SH3RF3: variants seen among roughly 807,000 people sequenced by gnomAD.
The protein encoded by SH3RF3 is E3 ubiquitin-protein ligase SH3RF3.
SH3RF3 carries 29 observed loss-of-function variants against 66.3 expected under a neutral mutation model. That is an observed-to-expected ratio of 0.44 (90% CI 0.33 to 0.60). The LOEUF is 0.60. Among genes scored for constraint, SH3RF3 ranks in the 20% least tolerant of loss-of-function variants. SH3RF3 has a pLI of 0.04. For synonymous variants in SH3RF3, 583 were observed against 532.0 expected, an observed-to-expected ratio of 1.10 and a Z score of -1.32; for missense variants, 1,194 against 1,190.9, an observed-to-expected ratio of 1.00 and a Z score of -0.04.
intron 1 of SH3RF3, among the ~76,000 whole-genome samples, chr2:109,183,070 C>T (rs1259188074): frequency 6.6e-6 from 1 of 152,152 alleles, no homozygotes; most frequent in East Asian, 1.9e-4. Flanking sequence ...GCCACAATGA[C>T]TAATTTATTC....
chr2:109,333,328 A>G (rs1377314476), intron 1 of SH3RF3, among the ~76,000 whole-genome samples: 4 of 152,246 alleles, frequency 2.6e-5, no homozygotes, highest in Non-Finnish European at 5.9e-5. Flanking sequence ...TGAAATGCAC[A>G]AGAAACTGAA....
intron 8 of SH3RF3, among the ~76,000 whole-genome samples, chr2:109,479,266 G>A (rs1219928216): frequency 6.6e-6 from 1 of 152,184 alleles, no homozygotes; most frequent in Non-Finnish European, 1.5e-5. Flanking sequence ...AGCACACAGG[G>A]TGGGGACACG....
chr2:109,187,217 T>A (rs1678213642), intron 1 of SH3RF3, among the ~76,000 whole-genome samples: 1 of 152,246 alleles, frequency 6.6e-6, no homozygotes, highest in South Asian at 2.1e-4. Context: ...CTTGTTATCT[T>A]AGGTTGAGTT....
chr2:109,359,041 T>G (rs770577209), intron 2 of SH3RF3, among the ~76,000 whole-genome samples: 2 of 152,246 alleles, frequency 1.3e-5, no homozygotes, highest in Non-Finnish European at 2.9e-5. Context: ...AAACTATCTT[T>G]TCTCCATTGT....
intron 1 of SH3RF3, among the ~76,000 whole-genome samples, chr2:109,249,569 TTCCTTCCTTCC>T (rs1558981598): frequency 7.2e-5 from 10 of 138,840 alleles, no homozygotes; most frequent in African/African-American, 2.9e-4. Flanking sequence ...CCTTCCTTCC[TTCCTTCCTTCC>T]TTCCTTTCCT....
intron 8 of SH3RF3, among the ~76,000 whole-genome samples, chr2:109,474,613 G>A (rs367831393): frequency 3.3e-5 from 5 of 152,244 alleles, no homozygotes; most frequent in East Asian, 1.9e-4. Context: ...TTTGGGCAGG[G>A]GGGGAGAACG....
intron 1 of SH3RF3, among the ~76,000 whole-genome samples, chr2:109,255,750 T>G (rs1257423444): frequency 3.3e-5 from 5 of 152,236 alleles, no homozygotes; most frequent in Admixed American, 3.3e-4. Flanking sequence ...AGGGCCAGAA[T>G]CTCTGCTGAA....
chr2:109,225,530 A>G (rs969300720), intron 1 of SH3RF3, among the ~76,000 whole-genome samples: 1 of 152,326 alleles, frequency 6.6e-6, no homozygotes, highest in East Asian at 1.9e-4. Context: ...CACCATGTGG[A>G]GTTTTCTCCT....
At chr2:109,362,824 C>T (rs1256526531) in intron 2 of SH3RF3, among the ~76,000 whole-genome samples, 1 of 151,870 alleles carries the variant, frequency 6.6e-6, no homozygotes, top group African/African-American at 2.4e-5. Context: ...ATGTAATGCC[C>T]CTATTTATTC....
chr2:109,145,059 CAG>C (rs1196743495), intron 1 of SH3RF3, among the ~76,000 whole-genome samples: 2 of 152,214 alleles, frequency 1.3e-5, no homozygotes, highest in Non-Finnish European at 2.9e-5. Context: ...AGCTCGTAAG[CAG>C]AGTGTTAAGG....
intron 1 of SH3RF3, among the ~76,000 whole-genome samples, chr2:109,131,340 T>C (rs1312243565): frequency 6.6e-6 from 1 of 152,230 alleles, no homozygotes; most frequent in Non-Finnish European, 1.5e-5. Flanking sequence ...GGAATTTTTT[T>C]CTTTGGTTTT....
chr2:109,474,989 G>GT (rs1213799340), intron 8 of SH3RF3, among the ~76,000 whole-genome samples: 2 of 151,174 alleles, frequency 1.3e-5, no homozygotes, highest in South Asian at 2.1e-4. Flanking sequence ...TTGTTTGTTT[G>GT]TTTTTTTGAG....
intron 1 of SH3RF3, among the ~76,000 whole-genome samples, chr2:109,300,595 A>G (rs1322151571): frequency 1.3e-5 from 2 of 152,176 alleles, no homozygotes; most frequent in Non-Finnish European, 2.9e-5. Context: ...TGATTGGCAA[A>G]TATGCACTGG....
chr2:109,277,647 G>A (rs1258862794), intron 1 of SH3RF3, among the ~76,000 whole-genome samples: 2 of 152,186 alleles, frequency 1.3e-5, no homozygotes, highest in Non-Finnish European at 2.9e-5. Flanking sequence ...AACAGGCAGT[G>A]CTTGGGTTTG....
At chr2:109,137,051 G>A (rs1676831813) in intron 1 of SH3RF3, among the ~76,000 whole-genome samples, 1 of 152,212 alleles carries the variant, frequency 6.6e-6, no homozygotes, top group African/African-American at 2.4e-5. Context: ...GACAGCGATT[G>A]CATTGGTCTC....
intron 2 of SH3RF3, among the ~76,000 whole-genome samples, chr2:109,351,700 A>G (rs1422202986): frequency 9.9e-5 from 15 of 152,200 alleles, no homozygotes; most frequent in South Asian, 2.1e-4. Context: ...ACTTTTGCAC[A>G]TGACTGCAGC....
chr2:109,402,972 C>A (rs572393047), intron 4 of SH3RF3, among the ~76,000 whole-genome samples: 1 of 152,242 alleles, frequency 6.6e-6, no homozygotes, highest in South Asian at 2.1e-4. Flanking sequence ...CTGTCCAACG[C>A]ATCGACTGCA....
chr2:109,206,232 T>A (rs1382168267), intron 1 of SH3RF3, among the ~76,000 whole-genome samples: 1 of 152,146 alleles, frequency 6.6e-6, no homozygotes, highest in Non-Finnish European at 1.5e-5. Flanking sequence ...GGCTCACGCC[T>A]GTAATCCCAG....
chr2:109,349,770 T>C (rs995121571), intron 2 of SH3RF3, among the ~76,000 whole-genome samples: 12 of 152,184 alleles, frequency 7.9e-5, no homozygotes, highest in Non-Finnish European at 1.3e-4. Flanking sequence ...TAGGCCTGCT[T>C]CTCTGGGCAG....
Sources: gnomAD v4.1 joint callset for allele counts (sites outside exome capture counted in the v4.1 genomes callset) on GRCh38, gnomAD v4.1.1 for gene constraint, MANE v1.5 for transcripts, NCBI Gene and HGNC (gene_info 2026-07-23, HGNC 2026-07-21) for gene names.